SH3D19: variants seen among roughly 807,000 people sequenced by gnomAD.
The protein encoded by SH3D19 is SH3 domain-containing protein 19.
Under a neutral mutation model 112.1 loss-of-function variants are expected in SH3D19, and 58 were observed. The observed-to-expected ratio is 0.52, with a 90% confidence interval of 0.42 to 0.64. The LOEUF is 0.64. Ranked by LOEUF, SH3D19 falls within the 30% of genes least tolerant of loss-of-function variation. SH3D19 has a pLI of 0.00. For missense variants in SH3D19, 1,090 were observed against 1,263.4 expected (o/e 0.86, Z 2.08); for synonymous variants, 391 against 448.5 (o/e 0.87, Z 1.62).
chr4:151,215,918 C>T (rs1288982195), intron 2 of SH3D19, among the ~76,000 whole-genome samples: 1 of 152,014 alleles, frequency 6.6e-6, no homozygotes, highest in African/African-American at 2.4e-5. Flanking sequence ...CTCTGCCTCC[C>T]GGGTTCAAGT....
At chr4:151,268,215 A>T (rs1772957030) in intron 1 of SH3D19, among the ~76,000 whole-genome samples, 2 of 152,208 alleles carry the variant, frequency 1.3e-5, no homozygotes, top group Non-Finnish European at 2.9e-5. Context: ...ACACAATGGG[A>T]CGTATTTATG....
chr4:151,137,930 T>G, intron 13 of SH3D19, 68 bp from the exon 14 acceptor site: 1 of 1,385,582 alleles, frequency 7.2e-7, no homozygotes, highest in Non-Finnish European at 9.7e-7. Context: ...AAGCACAAAG[T>G]AGCATTTAGT....
rs140117734 is a variant in SH3D19, at chr4:151,248,145, TTA to T, written c.113-22061_113-22060del. 5.7e-3 allele frequency among the ~76,000 whole-genome samples: 864 copies of T among 152,302 alleles called. 7 individuals carry two copies. The highest frequency in any genetic ancestry group is 0.02 in the African/African-American group (841 of 41,560). ...TTTTTTTGTTTGTTTGTTTTTGTTTTTAGAGATGGGATCTTGCTATGTTGCCC... is the reference window on the plus strand; with the variant it reads ...TTTTTTTGTTTGTTTGTTTTTGTTTTGAGATGGGATCTTGCTATGTTGCCC... On this transcript the variant is annotated intron_variant, in intron 1 of 19. Coordinates refer to ENST00000604030, the MANE Select transcript of SH3D19 (RefSeq NM_001378122.1).
At chr4:151,282,273 A>ACGT in intron 1 of SH3D19, 1 of 1,613,974 alleles carries the variant, frequency 6.2e-7, no homozygotes, top group Non-Finnish European at 8.5e-7. Context: ...ACAACGGCAG[A>ACGT]CGTCGCCTTG....
intron 1 of SH3D19, among the ~76,000 whole-genome samples, chr4:151,246,057 G>C (rs1417972010): frequency 7.1e-6 from 1 of 140,786 alleles, no homozygotes; most frequent in Admixed American, 7.1e-5. Flanking sequence ...AAAAAAAAAA[G>C]GCTGAAATAT....
At chr4:151,271,863 C>G (rs1019069998) in intron 1 of SH3D19, among the ~76,000 whole-genome samples, 2 of 152,000 alleles carry the variant, frequency 1.3e-5, no homozygotes, top group African/African-American at 4.8e-5. Flanking sequence ...TATTATTATT[C>G]CTATTTTGCA....
chr4:151,257,605 C>G (rs1205474792), intron 1 of SH3D19, among the ~76,000 whole-genome samples: 5 of 152,068 alleles, frequency 3.3e-5, no homozygotes, highest in Non-Finnish European at 5.9e-5. Context: ...TCATCATCAT[C>G]ATCATCATGC....
intron 9 of SH3D19, among the ~76,000 whole-genome samples, chr4:151,157,982 A>T (rs1321420174): frequency 1.3e-5 from 2 of 152,206 alleles, no homozygotes; most frequent in Non-Finnish European, 2.9e-5. Flanking sequence ...TAAATAATAC[A>T]AAATTAGAGC....
At chr4:151,294,348 C>G (rs1775556231) in intron 1 of SH3D19, among the ~76,000 whole-genome samples, 1 of 152,236 alleles carries the variant, frequency 6.6e-6, no homozygotes, top group Non-Finnish European at 1.5e-5. Flanking sequence ...TTGGAAGTAA[C>G]TGTTCCACAG....
intron 2 of SH3D19, among the ~76,000 whole-genome samples, chr4:151,212,144 T>C (rs540633306): frequency 6.6e-6 from 1 of 152,354 alleles, no homozygotes; most frequent in African/African-American, 2.4e-5. Flanking sequence ...AATGCTCATT[T>C]ACCATTAAAT....
chr4:151,267,154 C>A (rs1397412952), intron 1 of SH3D19, among the ~76,000 whole-genome samples: 1 of 83,834 alleles, frequency 1.2e-5, no homozygotes, highest in Admixed American at 1.3e-4. Flanking sequence ...CTCAGTCTCT[C>A]TCTAAAAAAA....
intron 1 of SH3D19, among the ~76,000 whole-genome samples, chr4:151,234,209 A>G (rs1386340293): frequency 6.6e-6 from 1 of 152,226 alleles, no homozygotes; most frequent in Non-Finnish European, 1.5e-5. Flanking sequence ...AAGAGAAACC[A>G]GCTATTTGGT....
chr4:151,175,207 G>A lies in SH3D19; in HGVS notation c.997C>T (p.Pro333Ser). 1 of 1,614,186 alleles carries A rather than the reference G, an allele frequency of 6.2e-7. No homozygotes were observed. The highest frequency in any genetic ancestry group is 1.7e-5 in the Admixed American group (1 of 60,026). Residue 333 changes from proline to serine, a missense_variant, in exon 7 of 20, where the codon CCT becomes TCT. Pro to Ser is a moderately conservative substitution (Grantham distance 74, BLOSUM62 -1). Transcript: ENST00000604030. The stretch of plus-strand genomic sequence containing the variant: ...GCAGCTGGTTTGGGAGCTACAGAAG[G>A]TTTCCCTGAGGAAACAGTAGGCTTT... ...PPKPTVSSGKPSVAPKPAANR... is the reference protein window; with the variant it reads ...PPKPTVSSGKSSVAPKPAANR...
intron 14 of SH3D19, 76 bp from the exon 15 acceptor site, chr4:151,135,208 A>G: frequency 8.3e-7 from 1 of 1,209,354 alleles, no homozygotes; most frequent in South Asian, 1.4e-5. Flanking sequence ...TTAAGTAATT[A>G]GAAAGTACAT....
intron 1 of SH3D19, among the ~76,000 whole-genome samples, chr4:151,257,104 T>C (rs1771990741): frequency 6.6e-6 from 1 of 151,988 alleles, no homozygotes; most frequent in East Asian, 1.9e-4. Flanking sequence ...TATTTATTTT[T>C]TGAGATGAAG....
chr4:151,278,020 G>A (rs947010500), intron 1 of SH3D19, among the ~76,000 whole-genome samples: 3 of 152,060 alleles, frequency 2.0e-5, no homozygotes, highest in South Asian at 4.2e-4. Context: ...CAGCCTTAGC[G>A]ACAGAGTAAG....
rs971552208 is a variant in SH3D19 at position 151,159,139 on chromosome 4, T to A, written c.1755+101A>T. 11 of 631,446 alleles carry A rather than the reference T, an allele frequency of 1.7e-5. No homozygotes were observed. In the African/African-American group the frequency reaches 1.9e-4, roughly 11 times the overall value. 39.1% of individuals were successfully genotyped at this position (631,446 alleles called of 1,614,324 possible). On this transcript the variant is annotated intron_variant, in intron 9 of 19. Transcript: ENST00000604030. ...GGTCTCTAATAGAGGGTTCTTGTTT[T>A]TAATCTGACCAGTAATAAAATAATT...
Position 151,237,213 on chromosome 4 carries a change from G to A in SH3D19, c.113-11127C>T, listed in dbSNP as rs890009634. ...GCCTTTAAGAGCTGTAACACTCACC[G>A]CGAGGGTCTGTGGCTTCATTCTTGA... On this transcript the variant is annotated intron_variant, in intron 1 of 19. Coordinates refer to ENST00000604030, the MANE Select transcript of SH3D19 (RefSeq NM_001378122.1). Among the ~76,000 whole-genome samples, 11 of 152,324 alleles carry A rather than the reference G, an allele frequency of 7.2e-5. No individual in the cohort carries two copies. In the South Asian group the frequency reaches 1.7e-3, roughly 23 times the overall value.
At chr4:151,142,701 T>A (rs1753213797) in intron 12 of SH3D19, among the ~76,000 whole-genome samples, 1 of 152,166 alleles carries the variant, frequency 6.6e-6, no homozygotes, top group South Asian at 2.1e-4. Context: ...CAATATTTTC[T>A]GTTTGCCAAG....
Sources: gnomAD v4.1 joint callset for allele counts (sites outside exome capture counted in the v4.1 genomes callset) on GRCh38, gnomAD v4.1.1 for gene constraint, MANE v1.5 for transcripts, NCBI Gene and HGNC (gene_info 2026-07-23, HGNC 2026-07-21) for gene names.